The following DOK6 variants were observed in gnomAD, a reference collection of about 807,000 sequenced individuals.
DOK6 encodes docking protein 6.
DOK6 carries 22 observed loss-of-function variants against 44.0 expected under a neutral mutation model. That is an observed-to-expected ratio of 0.50 (90% CI 0.36 to 0.71). DOK6 has a LOEUF of 0.71. Ranked by LOEUF, DOK6 falls within the 30% of genes least tolerant of loss-of-function variation. The pLI is 0.00. For synonymous variants in DOK6, 166 were observed against 145.5 expected, an observed-to-expected ratio of 1.14 and a Z score of -1.01; for missense variants, 340 against 416.4, an observed-to-expected ratio of 0.82 and a Z score of 1.60.
chr18:69,809,866 T>G (rs563488730), intron 7 of DOK6, among the ~76,000 whole-genome samples: 3 of 151,926 alleles, frequency 2.0e-5, no homozygotes, highest in Non-Finnish European at 4.4e-5. Context: ...ATCCTGTGTT[T>G]ATGGATTGGA....
At chr18:69,815,073 C>G (rs1234757721) in intron 7 of DOK6, among the ~76,000 whole-genome samples, 1 of 152,094 alleles carries the variant, frequency 6.6e-6, no homozygotes, top group Admixed American at 6.6e-5. Context: ...TTAATTCCTA[C>G]CCCCAGAACA....
At chr18:69,649,731 G>T (rs1985173991) in intron 3 of DOK6, among the ~76,000 whole-genome samples, 2 of 151,976 alleles carry the variant, frequency 1.3e-5, no homozygotes, top group African/African-American at 4.8e-5. Context: ...TTTAGAAAAG[G>T]CAATAGAAAC....
chr18:69,543,187 C>T (rs1658299745), intron 1 of DOK6, among the ~76,000 whole-genome samples: 3 of 151,456 alleles, frequency 2.0e-5, no homozygotes, highest in Admixed American at 6.6e-5. Context: ...CTTTTATTTT[C>T]GGCTGTCACT....
intron 1 of DOK6, among the ~76,000 whole-genome samples, chr18:69,557,032 G>A (rs575638248): frequency 2.0e-5 from 3 of 152,266 alleles, no homozygotes; most frequent in South Asian, 2.1e-4. Flanking sequence ...TTGTCTTGAT[G>A]TGTTTGTCTG....
intron 3 of DOK6, among the ~76,000 whole-genome samples, chr18:69,625,284 G>A (rs1006338592): frequency 1.3e-5 from 2 of 152,096 alleles, no homozygotes; most frequent in African/African-American, 4.8e-5. Flanking sequence ...CACCCTAAGA[G>A]GAGCATGTTT....
chr18:69,807,139 G>A (rs957022215), intron 7 of DOK6, among the ~76,000 whole-genome samples: 3 of 151,604 alleles, frequency 2.0e-5, no homozygotes, highest in African/African-American at 7.3e-5. Context: ...AGCATCACCT[G>A]GGACCTTGTT....
intron 3 of DOK6, among the ~76,000 whole-genome samples, chr18:69,638,164 A>G (rs1046411388): frequency 6.6e-5 from 10 of 152,244 alleles, no homozygotes; most frequent in Admixed American, 6.5e-4. Context: ...TGTTGAAACC[A>G]TTCAACCTCA....
intron 1 of DOK6, among the ~76,000 whole-genome samples, chr18:69,553,773 T>C (rs1982621931): frequency 6.6e-6 from 1 of 152,214 alleles, no homozygotes; most frequent in East Asian, 1.9e-4. Context: ...TTATTTCTTT[T>C]AACAGATAAA....
intron 1 of DOK6, among the ~76,000 whole-genome samples, chr18:69,436,945 C>T (rs1012519199): frequency 2.0e-5 from 3 of 152,096 alleles, no homozygotes; most frequent in Non-Finnish European, 4.4e-5. Context: ...TTGTTGCCTG[C>T]ATAAACGTCT....
chr18:69,609,483 C>CAAAAAATAAAAAAATA lies in DOK6; in HGVS notation c.289+9987_289+9988insAAAATAAAAAAATAAA, dbSNP rs147856604. On this transcript the variant is annotated intron_variant, in intron 3 of 7. Transcript: ENST00000382713. ...ATCAAACCTGCCAGGATGGCTATTA[C>CAAAAAATAAAAAAATA]AAGAAATAAATAAATAAATAAATAA... 2.1e-5 allele frequency among the ~76,000 whole-genome samples: 3 copies of CAAAAAATAAAAAAATA among 145,620 alleles called. No individual in the cohort carries two copies. In the South Asian group the frequency reaches 6.5e-4, roughly 32 times the overall value.
At chr18:69,675,917 A>T (rs1005880727) in intron 3 of DOK6, among the ~76,000 whole-genome samples, 42 of 152,246 alleles carry the variant, frequency 2.8e-4, no homozygotes, top group African/African-American at 9.6e-4. Context: ...AAAAGAAAAA[A>T]GTTTTGTTTT....
At position 69,616,846 on chromosome 18, in the gene DOK6, C is replaced by CA. The variant is rs539160391; in HGVS notation, c.289+17356dup. Among the ~76,000 whole-genome samples the CA allele has an allele frequency of 2.3e-3, 342 of 151,518 alleles. 3 individuals are homozygous for CA. The highest frequency in any genetic ancestry group is 8.3e-4 in the Non-Finnish European group (56 of 67,852). On this transcript the variant is annotated intron_variant, in intron 3 of 7. Coordinates refer to ENST00000382713, the MANE Select transcript of DOK6 (RefSeq NM_152721.6). ...GCCAGACTTTTTGAAATCTTTGTAG[C>CA]AAAAAAAATGGTTTGAATATTTTTA...
intron 1 of DOK6, among the ~76,000 whole-genome samples, chr18:69,404,330 G>A (rs1916157451): frequency 6.6e-6 from 1 of 152,190 alleles, no homozygotes; most frequent in African/African-American, 2.4e-5. Context: ...AACCTGTTGA[G>A]TACAGTCCCT....
chr18:69,471,926 T>A (rs576819617), intron 1 of DOK6, among the ~76,000 whole-genome samples: 5 of 152,334 alleles, frequency 3.3e-5, no homozygotes, highest in Admixed American at 3.3e-4. Flanking sequence ...TGGTTTCTTA[T>A]CCCCTAGCAC....
chr18:69,416,950 A>T (rs918680551), intron 1 of DOK6, among the ~76,000 whole-genome samples: 45 of 152,172 alleles, frequency 3.0e-4, no homozygotes, highest in African/African-American at 1.1e-3. Flanking sequence ...ATGTTTATGG[A>T]TACATAATAG....
intron 6 of DOK6, among the ~76,000 whole-genome samples, chr18:69,751,156 G>A (rs1979164309): frequency 5.3e-5 from 8 of 152,180 alleles, no homozygotes; most frequent in Admixed American, 5.2e-4. Flanking sequence ...CAGGCAGGAA[G>A]AGTATGTTTT....
At chr18:69,490,331 G>A (rs1468588328) in intron 1 of DOK6, among the ~76,000 whole-genome samples, 1 of 151,962 alleles carries the variant, frequency 6.6e-6, no homozygotes, top group South Asian at 2.1e-4. Flanking sequence ...TCCTCACAAA[G>A]GCCAGAAGCA....
chr18:69,738,818 T>A lies in DOK6; in HGVS notation c.600-147T>A, dbSNP rs59462647. 8.0e-4 allele frequency: 696 copies of A among 870,356 alleles called. 5 individuals are homozygous for A. The African/African-American group carries it at 0.01, about 13-fold the overall frequency. 53.9% of individuals were successfully genotyped at this position (870,356 alleles called of 1,614,324 possible). ...ACCATATAAAGATGCACTTTTTGGTTGGTTTGGTTACGGCTGAATCAGCCT... is the reference window on the plus strand; with the variant it reads ...ACCATATAAAGATGCACTTTTTGGTAGGTTTGGTTACGGCTGAATCAGCCT... On this transcript the variant is annotated intron_variant, in intron 5 of 7. Transcript: ENST00000382713.
chr18:69,717,799 T>C (rs1986918277), intron 5 of DOK6, among the ~76,000 whole-genome samples: 1 of 151,632 alleles, frequency 6.6e-6, no homozygotes, highest in African/African-American at 2.4e-5. Flanking sequence ...ATGAAGGAGG[T>C]GGTTGTGAGT....
Sources: allele counts gnomAD v4.1 joint callset (sites outside exome capture counted in the v4.1 genomes callset), GRCh38; gene constraint gnomAD v4.1.1; transcripts MANE v1.5; gene names NCBI Gene and HGNC (gene_info 2026-07-23, HGNC 2026-07-21).